Variants in TAFA2 observed in about 807,000 individuals in gnomAD.
The protein encoded by TAFA2 is chemokine-like protein TAFA-2.
In TAFA2, 7 loss-of-function variants were observed where a neutral mutation model predicts 18.8. The observed-to-expected ratio is 0.37, with a 90% CI of 0.21 to 0.70. The LOEUF (loss-of-function observed/expected upper bound fraction) is 0.70. Ranked by LOEUF, TAFA2 falls within the 30% of genes least tolerant of loss-of-function variation. TAFA2 has a pLI of 0.53. For synonymous variants in TAFA2, 60 were observed against 54.2 expected (o/e 1.11, Z -0.47); for missense variants, 122 against 158.1 (o/e 0.77, Z 1.23).
intron 2 of TAFA2, among the ~76,000 whole-genome samples, chr12:61,830,382 T>C (rs921912449): frequency 6.6e-6 from 1 of 151,492 alleles, no homozygotes; most frequent in South Asian, 2.1e-4. Context: ...TATACATATA[T>C]GTATGATACA....
chr12:62,093,927 T>C (rs1868831677), intron 1 of TAFA2, among the ~76,000 whole-genome samples: 1 of 152,062 alleles, frequency 6.6e-6, no homozygotes, highest in South Asian at 2.1e-4. Flanking sequence ...AAATCTGCTC[T>C]GAAGGCAAGT....
Position 61,855,961 on chromosome 12 carries a change from C to T in TAFA2, c.106+11359G>A, listed in dbSNP as rs138522435. On this transcript the variant is annotated intron_variant, in intron 2 of 4. Transcript: ENST00000416284. ...TAAGATTTTATTAGAAAGTGGAAAC[C>T]TAAGTTTGAAAGGTTTCACTCAATA... Among the ~76,000 whole-genome samples the T allele has an allele frequency of 4.1e-3, 625 of 152,050 alleles. 1 individual carries two copies. The highest frequency in any genetic ancestry group is 0.037 in the Middle Eastern group (11 of 294).
chr12:61,932,150 TA>T (rs1201971675), intron 1 of TAFA2, among the ~76,000 whole-genome samples: 3 of 152,216 alleles, frequency 2.0e-5, no homozygotes, highest in Non-Finnish European at 4.4e-5. Flanking sequence ...AATGGTATTT[TA>T]AAGGGAGAAA....
chr12:62,139,769 C>A (rs2062225356), intron 1 of TAFA2, among the ~76,000 whole-genome samples: 1 of 152,146 alleles, frequency 6.6e-6, no homozygotes, highest in Non-Finnish European at 1.5e-5. Context: ...CACATTAGAG[C>A]TGCAAGGGAT....
At chr12:61,794,806 GA>G (rs1871124980) in intron 2 of TAFA2, among the ~76,000 whole-genome samples, 1 of 151,770 alleles carries the variant, frequency 6.6e-6, no homozygotes, top group African/African-American at 2.4e-5. Flanking sequence ...CACACAATGG[GA>G]AAAAATTTTT....
At chr12:61,811,529 T>C (rs1871868207) in intron 2 of TAFA2, among the ~76,000 whole-genome samples, 1 of 151,430 alleles carries the variant, frequency 6.6e-6, no homozygotes. Flanking sequence ...GTAAAGGACA[T>C]GAACTATGAC....
chr12:62,190,978 G>C (rs1049721995), intron 1 of TAFA2, among the ~76,000 whole-genome samples: 2 of 152,084 alleles, frequency 1.3e-5, no homozygotes, highest in African/African-American at 2.4e-5. Context: ...GGGGCAGAGA[G>C]GGAGGGCACC....
chr12:62,158,516 A>G (rs1375134173), intron 1 of TAFA2, among the ~76,000 whole-genome samples: 1 of 152,200 alleles, frequency 6.6e-6, no homozygotes, highest in South Asian at 2.1e-4. Context: ...TCAATTCTCA[A>G]TGGAAACAGT....
chr12:62,078,624 C>T (rs1183156746), intron 1 of TAFA2, among the ~76,000 whole-genome samples: 1 of 152,190 alleles, frequency 6.6e-6, no homozygotes, highest in Admixed American at 6.5e-5. Flanking sequence ...TTCCCCACCT[C>T]TACGTGCCTA....
intron 1 of TAFA2, among the ~76,000 whole-genome samples, chr12:61,985,625 A>G (rs1290964259): frequency 6.6e-6 from 1 of 152,230 alleles, no homozygotes; most frequent in Non-Finnish European, 1.5e-5. Flanking sequence ...TAAAAATAAA[A>G]GAAATAAGTC....
At chr12:62,140,782 G>A (rs1241063774) in intron 1 of TAFA2, among the ~76,000 whole-genome samples, 2 of 152,152 alleles carry the variant, frequency 1.3e-5, no homozygotes, top group African/African-American at 4.8e-5. Flanking sequence ...ACCATCAGAA[G>A]TAGGTTTTAT....
intron 1 of TAFA2, among the ~76,000 whole-genome samples, chr12:62,243,000 G>GAA (rs2062869725): frequency 6.6e-6 from 1 of 152,156 alleles, no homozygotes; most frequent in Admixed American, 6.5e-5. Context: ...CCATTGACCT[G>GAA]AAAATTGGAT....
At chr12:61,959,647 G>A (rs1278679262) in intron 1 of TAFA2, among the ~76,000 whole-genome samples, 1 of 152,044 alleles carries the variant, frequency 6.6e-6, no homozygotes, top group Admixed American at 6.6e-5. Context: ...AGTATGTCCA[G>A]CATATTAACA....
chr12:62,048,764 A>C (rs191647979), intron 1 of TAFA2, among the ~76,000 whole-genome samples: 40 of 152,354 alleles, frequency 2.6e-4, no homozygotes, highest in African/African-American at 9.4e-4. Flanking sequence ...GAAATAAATG[A>C]TTCTGCATAA....
At chr12:62,197,136 T>C (rs554608421), upstream of TAFA2, among the ~76,000 whole-genome samples, 1 of 152,274 alleles carries the variant, frequency 6.6e-6, no homozygotes, top group East Asian at 1.9e-4. Context: ...TGCCTGATGA[T>C]CTGAGGTGGG....
intron 2 of TAFA2, among the ~76,000 whole-genome samples, chr12:61,773,714 CAA>C (rs1317510257): frequency 6.6e-6 from 1 of 151,890 alleles, no homozygotes; most frequent in Non-Finnish European, 1.5e-5. Context: ...CAAGATGAGT[CAA>C]AGACTTAAAC....
intron 1 of TAFA2, among the ~76,000 whole-genome samples, chr12:61,887,514 A>G (rs930029286): frequency 1.3e-5 from 2 of 150,906 alleles, no homozygotes; most frequent in African/African-American, 2.4e-5. Flanking sequence ...TACATGTGCC[A>G]TGCTGGTGTG....
chr12:61,939,001 A>G (rs971202052), intron 1 of TAFA2, among the ~76,000 whole-genome samples: 3 of 152,060 alleles, frequency 2.0e-5, no homozygotes, highest in Non-Finnish European at 2.9e-5. Flanking sequence ...AAAATCTTAG[A>G]CTTCACCACT....
chr12:61,718,438 C>T (rs1869755855), intron 4 of TAFA2, among the ~76,000 whole-genome samples: 1 of 152,110 alleles, frequency 6.6e-6, no homozygotes, highest in African/African-American at 2.4e-5. Flanking sequence ...ACTTTGCTTC[C>T]CCTTCTCTTG....
Sources: gnomAD v4.1 joint callset for allele counts (sites outside exome capture counted in the v4.1 genomes callset) on GRCh38, gnomAD v4.1.1 for gene constraint, MANE v1.5 for transcripts, NCBI Gene and HGNC (gene_info 2026-07-23, HGNC 2026-07-21) for gene names.